Variants in ZNF208 observed in about 807,000 individuals in gnomAD.
ZNF208 encodes zinc finger protein 95.
A neutral mutation model predicts 12.1 loss-of-function variants in ZNF208; 10 were observed. The ratio of observed to expected loss-of-function variants is 0.83; its 90% CI spans 0.51 to 1.40. The LOEUF is 1.40. Among genes scored for constraint, ZNF208 ranks in the 40% most tolerant of loss-of-function variants. ZNF208 has a pLI of 0.00. For synonymous variants in ZNF208, 497 were observed against 488.4 expected, an observed-to-expected ratio of 1.02 and a Z score of -0.23; for missense variants, 1,652 against 1,485.0, an observed-to-expected ratio of 1.11 and a Z score of -1.85.
At position 21,973,001 on chromosome 19, in the gene ZNF208, G is replaced by A. The variant is rs764058292; in HGVS notation, c.2033C>T (p.Ser678Leu). Residue 678 changes from serine to leucine, a missense_variant, in exon 4 of 4, where the codon TCA (serine) becomes TTA (leucine). Physicochemically the swap from Ser to Leu is moderately radical, Grantham distance 145. Coordinates refer to ENST00000397126, the MANE Select transcript of ZNF208 (RefSeq NM_007153.3). ...KECGKAFSKF[S>L]ILTKHKVIHT... ...AATTACCTTATGTTTAGTAAGGATT[G>A]AGAACTTACTAAAGGCTTTGCCACA... 2 of 1,613,664 alleles carry A rather than the reference G, an allele frequency of 1.2e-6. No individual in the cohort carries two copies. The highest frequency in any genetic ancestry group is 2.2e-5 in the South Asian group (2 of 91,036).
At chr19:21,990,337 A>G (rs1340370482) in intron 1 of ZNF208, among the ~76,000 whole-genome samples, 2 of 152,182 alleles carry the variant, frequency 1.3e-5, no homozygotes, top group East Asian at 3.8e-4. Context: ...TTATTAAATA[A>G]GGAATCCTTT....
chr19:22,002,234 A>G (rs1302688437), intron 1 of ZNF208, among the ~76,000 whole-genome samples: 1 of 152,168 alleles, frequency 6.6e-6, no homozygotes, highest in East Asian at 1.9e-4. Context: ...CCCACAGCCA[A>G]TATACTGAAT....
At chr19:21,940,582 A>C (rs1294254178) in intron 4 of ZNF208, 4 of 152,172 alleles carry the variant, frequency 2.6e-5, no homozygotes, top group Admixed American at 2.0e-4. Context: ...CTCTCTCTAT[A>C]TATATTTTGG....
intron 3 of ZNF208, among the ~76,000 whole-genome samples, 170 bp from the exon 4 acceptor site, chr19:21,974,977 G>T (rs558727964): frequency 6.6e-6 from 1 of 152,030 alleles, no homozygotes; most frequent in African/African-American, 2.4e-5. Context: ...CATATAGACC[G>T]AAATACATAT....
chr19:21,948,017 T>C (rs1280399497), intron 4 of ZNF208, among the ~76,000 whole-genome samples: 3 of 152,064 alleles, frequency 2.0e-5, no homozygotes, highest in Non-Finnish European at 4.4e-5. Flanking sequence ...GTAACATCTA[T>C]GATGGTGGCT....
intron 1 of ZNF208, among the ~76,000 whole-genome samples, chr19:21,995,828 CTG>C (rs1366915415): frequency 2.0e-5 from 3 of 152,200 alleles, no homozygotes; most frequent in African/African-American, 4.8e-5. Context: ...TCTCATATAA[CTG>C]TGGCAGGTTA....
At chr19:21,986,311 C>CA (rs1970627569) in intron 3 of ZNF208, among the ~76,000 whole-genome samples, 1 of 152,118 alleles carries the variant, frequency 6.6e-6, no homozygotes, top group Admixed American at 6.5e-5. Flanking sequence ...CCAATAAATA[C>CA]ACTCAGTAAA....
At chr19:21,997,038 T>C (rs1052440998) in intron 1 of ZNF208, among the ~76,000 whole-genome samples, 47 of 152,188 alleles carry the variant, frequency 3.1e-4, no homozygotes, top group African/African-American at 1.1e-3. Context: ...TTGTATTATG[T>C]CTGGTAATTC....
At chr19:22,010,574 C>A in intron 1 of ZNF208, among the ~76,000 whole-genome samples, 1 of 152,202 alleles carries the variant, frequency 6.6e-6, no homozygotes. Flanking sequence ...CAGGCCAGGG[C>A]ACAATCACAG....
intron 2 of ZNF208, 92 bp from the exon 3 acceptor site, chr19:21,987,403 A>T (rs1437470552): frequency 1.7e-6 from 2 of 1,209,692 alleles, no homozygotes; most frequent in Non-Finnish European, 2.2e-6. Flanking sequence ...GTAATAGAAT[A>T]TTCTAATAGA....
intron 4 of ZNF208, chr19:21,940,390 C>G (rs1246753908): frequency 6.6e-6 from 1 of 152,086 alleles, no homozygotes; most frequent in Non-Finnish European, 1.5e-5. Context: ...GTTACCTCAT[C>G]ATTCTTAGGT....
Position 21,972,671 on chromosome 19 carries a change from C to G in ZNF208, c.2363G>C (p.Arg788Pro), listed in dbSNP as rs554390876. ...CTTATGTTTAATAAGGATTGCAGAT[C>G]GGTTAAAAGCTTTGCCACATTCTTC... is the stretch of plus-strand genomic sequence containing the variant. Reference protein sequence around the residue: ...KCEECGKAFNRSAILIKHKRI... With the variant: ...KCEECGKAFNPSAILIKHKRI... The change falls in exon 4 of 4, where the codon CGA becomes CCA. Residue 788 changes from arginine to proline, a missense_variant. By Grantham distance (103) the Arg-to-Pro change is moderately radical (BLOSUM62 -2). Transcript: ENST00000397126. 1 of 1,609,192 alleles carries G rather than the reference C, an allele frequency of 6.2e-7. No individual in the cohort carries two copies.
intron 1 of ZNF208, among the ~76,000 whole-genome samples, chr19:22,000,665 C>A (rs1156494558): frequency 6.6e-6 from 1 of 151,960 alleles, no homozygotes; most frequent in African/African-American, 2.4e-5. Flanking sequence ...GCAACAAAAG[C>A]AAATCAGCCC....
At chr19:21,963,309 T>G (rs1345429292), downstream of ZNF208, among the ~76,000 whole-genome samples, 1 of 152,084 alleles carries the variant, frequency 6.6e-6, no homozygotes, top group Non-Finnish European at 1.5e-5. Flanking sequence ...TGTCTCTGAC[T>G]TTCCTGGAAT....
At position 21,967,405 on chromosome 19, in the gene ZNF208, T is replaced by C. The variant is rs1309360255; in HGVS notation, c.*3786A>G. 1 of 152,114 alleles carries C rather than the reference T, an allele frequency of 6.6e-6. No homozygotes were observed. Among genetic ancestry groups the C allele is most frequent in the African/African-American group, 2.4e-5 (1 of 41,426 alleles). The allele number at this position is 152,114 out of a possible 1,614,324, so 9.4% of individuals were successfully genotyped here. ...CTCTTCCATTTCATTGGTCTAGATG[T>C]TTATTTTTGTACCAGAACCATGTTA... On this transcript the variant is annotated 3_prime_UTR_variant, in exon 4 of 4. Coordinates refer to ENST00000397126, the MANE Select transcript of ZNF208 (RefSeq NM_007153.3).
chr19:21,996,862 T>G (rs1212283810), intron 1 of ZNF208, among the ~76,000 whole-genome samples: 1 of 152,160 alleles, frequency 6.6e-6, no homozygotes, highest in Admixed American at 6.5e-5. Flanking sequence ...TGTTCTAGCC[T>G]CTCTAAAAGT....
intron 4 of ZNF208, among the ~76,000 whole-genome samples, chr19:21,945,948 G>A (rs1197289090): frequency 1.3e-5 from 2 of 152,016 alleles, no homozygotes; most frequent in African/African-American, 4.8e-5. Context: ...ACTAGCACAG[G>A]GGGTTGTGCC....
In ZNF208 at chr19:22,007,381, G is replaced by A. The variant is rs572865233; in HGVS notation, c.3+3411C>T. ...AAAAATACAAAAAAATTTGCTGGGC[G>A]TGGTGGCGGGCTCCCACTATTTGGG... On this transcript the variant is annotated intron_variant, in intron 1 of 3. Transcript: ENST00000397126. Among the ~76,000 whole-genome samples the A allele has an allele frequency of 5.3e-5, 8 of 151,596 alleles. No individual in the cohort carries two copies. In the East Asian group the frequency reaches 1.2e-3, roughly 22 times the overall value.
chr19:22,010,147 A>T (rs1380500093), intron 1 of ZNF208, among the ~76,000 whole-genome samples: 1 of 151,268 alleles, frequency 6.6e-6, no homozygotes, highest in Non-Finnish European at 1.5e-5. Flanking sequence ...ATCGTGCCAC[A>T]GCACTCCAGC....
Sources: allele counts gnomAD v4.1 joint callset (sites outside exome capture counted in the v4.1 genomes callset), GRCh38; gene constraint gnomAD v4.1.1; transcripts MANE v1.5; gene names NCBI Gene and HGNC (gene_info 2026-07-23, HGNC 2026-07-21).